The following PCDH9 variants were observed in gnomAD, a reference collection of about 807,000 sequenced individuals.
The protein encoded by PCDH9 is protocadherin-9.
Under a neutral mutation model 70.6 loss-of-function variants are expected in PCDH9, and 24 were observed. That is an observed-to-expected ratio of 0.34 (90% confidence interval 0.25 to 0.48). The LOEUF (loss-of-function observed/expected upper bound fraction) is 0.48. Ranked by LOEUF, PCDH9 falls within the 20% of genes least tolerant of loss-of-function variation. The pLI is 0.99. For missense variants in PCDH9, 1,281 were observed against 1,503.6 expected, an observed-to-expected ratio of 0.85 and a Z score of 2.45; for synonymous variants, 562 against 558.5, an observed-to-expected ratio of 1.01 and a Z score of -0.09.
At chr13:66,609,565 TTATA>T (rs1160536786) in intron 4 of PCDH9, among the ~76,000 whole-genome samples, 1 of 152,082 alleles carries the variant, frequency 6.6e-6, no homozygotes, top group Non-Finnish European at 1.5e-5. Context: ...AATTTATACT[TTATA>T]TATGCATTTG....
chr13:66,415,282 G>A lies in PCDH9; in HGVS notation c.3341-110254C>T, dbSNP rs186064433. Among the ~76,000 whole-genome samples the A allele has an allele frequency of 2.1e-4, 32 of 152,084 alleles. No individual in the cohort carries two copies. In the East Asian group the frequency reaches 4.2e-3, roughly 20 times the overall value. On this transcript the variant is annotated intron_variant, in intron 4 of 4. Transcript: ENST00000377865. The stretch of plus-strand genomic sequence containing the variant: ...TTTTGTTATTCAAAAGAAAATAGCC[G>A]TGCTATGAACTAAAAGCCCAGGAGA...
chr13:66,716,106 G>T (rs552892236), intron 3 of PCDH9, among the ~76,000 whole-genome samples: 1 of 152,154 alleles, frequency 6.6e-6, no homozygotes, highest in East Asian at 1.9e-4. Context: ...TAGCTGTAAA[G>T]CATTCAGAAT....
chr13:66,607,687 A>G (rs1483466966), intron 4 of PCDH9, among the ~76,000 whole-genome samples: 1 of 152,158 alleles, frequency 6.6e-6, no homozygotes, highest in Non-Finnish European at 1.5e-5. Context: ...TATTGGTTAC[A>G]GAAAAATAAA....
chr13:67,023,218 C>T (rs565160674), intron 2 of PCDH9, among the ~76,000 whole-genome samples: 1 of 151,414 alleles, frequency 6.6e-6, no homozygotes, highest in Non-Finnish European at 1.5e-5. Flanking sequence ...TTTACAGTTA[C>T]ACTACTTATT....
intron 3 of PCDH9, among the ~76,000 whole-genome samples, chr13:66,819,734 G>T (rs1464161383): frequency 6.6e-6 from 1 of 151,886 alleles, no homozygotes; most frequent in Admixed American, 6.6e-5. Flanking sequence ...TTACAAAAAT[G>T]AAAATTAAAA....
At chr13:67,007,771 A>G (rs1196197427) in intron 2 of PCDH9, among the ~76,000 whole-genome samples, 3 of 152,214 alleles carry the variant, frequency 2.0e-5, no homozygotes, top group Admixed American at 2.0e-4. Context: ...GGACTGATGC[A>G]TCTCTGAGTC....
At chr13:66,450,879 G>C (rs576392165) in intron 4 of PCDH9, among the ~76,000 whole-genome samples, 1 of 152,066 alleles carries the variant, frequency 6.6e-6, no homozygotes, top group African/African-American at 2.4e-5. Context: ...TTAGCCAGGC[G>C]TGGTGGCGGC....
intron 4 of PCDH9, among the ~76,000 whole-genome samples, chr13:66,557,497 A>G (rs1210191380): frequency 6.6e-6 from 1 of 152,188 alleles, no homozygotes. Flanking sequence ...AGAGAAACAT[A>G]TGCTTCTCAT....
chr13:66,624,296 CAT>C (rs562626954), intron 4 of PCDH9, among the ~76,000 whole-genome samples: 2 of 152,170 alleles, frequency 1.3e-5, no homozygotes, highest in Non-Finnish European at 2.9e-5. Context: ...TTGAATTTTA[CAT>C]AGAGTTTATG....
intron 2 of PCDH9, among the ~76,000 whole-genome samples, chr13:66,987,141 G>A (rs1466072454): frequency 6.6e-6 from 1 of 151,954 alleles, no homozygotes; most frequent in Admixed American, 6.6e-5. Flanking sequence ...TAATTTAAAA[G>A]TAAATAAAAT....
chr13:66,820,575 A>G (rs1239661135), intron 3 of PCDH9, among the ~76,000 whole-genome samples: 1 of 152,208 alleles, frequency 6.6e-6, no homozygotes, highest in Non-Finnish European at 1.5e-5. Flanking sequence ...ACTATTCACA[A>G]TAGCAAAGAC....
At chr13:67,006,431 A>G (rs2084357054) in intron 2 of PCDH9, among the ~76,000 whole-genome samples, 1 of 152,230 alleles carries the variant, frequency 6.6e-6, no homozygotes, top group Non-Finnish European at 1.5e-5. Context: ...TATCAGAATT[A>G]CCCGAATAAT....
At chr13:66,968,554 G>A (rs1436111649) in intron 2 of PCDH9, among the ~76,000 whole-genome samples, 2 of 151,972 alleles carry the variant, frequency 1.3e-5, no homozygotes, top group Non-Finnish European at 2.9e-5. Flanking sequence ...CTTATTTCAT[G>A]CTGATGGCAC....
At chr13:66,800,397 TC>T (rs1201593192) in intron 3 of PCDH9, among the ~76,000 whole-genome samples, 1 of 152,130 alleles carries the variant, frequency 6.6e-6, no homozygotes, top group African/African-American at 2.4e-5. Flanking sequence ...CCACTAGCAA[TC>T]ATTTTGCACT....
At chr13:66,910,021 A>G (rs1158081853) in intron 2 of PCDH9, among the ~76,000 whole-genome samples, 3 of 152,060 alleles carry the variant, frequency 2.0e-5, no homozygotes, top group African/African-American at 4.8e-5. Context: ...CAATTCCTCT[A>G]TGTAAGTCCT....
intron 3 of PCDH9, among the ~76,000 whole-genome samples, chr13:66,640,054 G>T (rs1296026520): frequency 6.6e-6 from 1 of 152,086 alleles, no homozygotes. Flanking sequence ...ATCCAAATGA[G>T]AAAGTAAGTT....
rs369908237 is a variant in PCDH9, at chr13:67,056,853, C to G, written c.3037-153248G>C. Among the ~76,000 whole-genome samples the G allele has an allele frequency of 1.8e-4, 27 of 151,970 alleles. 1 individual carries two copies. The highest frequency in any genetic ancestry group is 1.5e-3 in the East Asian group (8 of 5,176). ...ATCATCTACCACACCATCATGAAGA[C>G]AGGAAGGATAGATTCAACTCAAACT... On this transcript the variant is annotated intron_variant, in intron 2 of 4. Coordinates refer to ENST00000377865, the MANE Select transcript of PCDH9 (RefSeq NM_203487.3).
At chr13:67,014,099 C>T (rs75513271) in intron 2 of PCDH9, among the ~76,000 whole-genome samples, 1,959 of 152,152 alleles carry the variant, frequency 0.013, 16 homozygotes, top group Middle Eastern at 0.051. Flanking sequence ...AACTCTTTTG[C>T]TTTCAATAAA....
intron 4 of PCDH9, among the ~76,000 whole-genome samples, chr13:66,534,543 A>C (rs763352570): frequency 2.0e-5 from 3 of 152,076 alleles, no homozygotes; most frequent in Non-Finnish European, 2.9e-5. Flanking sequence ...TCAATATGTA[A>C]TTAATTCTCT....
Sources: allele counts gnomAD v4.1 joint callset (sites outside exome capture counted in the v4.1 genomes callset), GRCh38; gene constraint gnomAD v4.1.1; transcripts MANE v1.5; gene names NCBI Gene and HGNC (gene_info 2026-07-23, HGNC 2026-07-21).